Variants in CNNM3 observed in about 807,000 individuals in gnomAD.
CNNM3 encodes metal transporter CNNM3.
In CNNM3, 47 loss-of-function variants were observed where a neutral mutation model predicts 57.1. The observed-to-expected ratio is 0.82, with a 90% CI of 0.65 to 1.05. The LOEUF is 1.05. Among genes scored for constraint, CNNM3 ranks in the 50% least tolerant of loss-of-function variants. CNNM3 has a pLI of 0.00. For synonymous variants in CNNM3, 507 were observed against 478.2 expected (o/e 1.06, Z -0.79); for missense variants, 957 against 973.7 (o/e 0.98, Z 0.23).
Position 96,816,979 on chromosome 2 carries a change from G to T in CNNM3, c.702G>T (p.Leu234=). ...AVLGSAGLVF[L]VGEVVPAAVS... ...TGGGCAGCGCGGGGCTCGTGTTCCT[G>T]GTGGGAGAGGTGGTGCCGGCCGCCG... Residue 234 remains leucine (L), a synonymous_variant, in exon 1 of 8, where the codon CTG becomes CTT. Coordinates refer to ENST00000305510, the MANE Select transcript of CNNM3 (RefSeq NM_017623.5). 1 of 1,358,108 alleles carries T rather than the reference G, an allele frequency of 7.4e-7. No individual in the cohort carries two copies. The highest frequency in any genetic ancestry group is 9.5e-7 in the Non-Finnish European group (1 of 1,049,210). The allele number at this position is 1,358,108 out of a possible 1,614,324, so 84.1% of individuals were successfully genotyped here.
rs989404535 is a variant in CNNM3, at chr2:96,833,616, G to A, written c.*1000G>A. 1 of 152,190 alleles carries A rather than the reference G, an allele frequency of 6.6e-6. No homozygotes were observed. Among genetic ancestry groups the A allele is most frequent in the African/African-American group, 2.4e-5 (1 of 41,406 alleles). 9.4% of individuals were successfully genotyped at this position (152,190 alleles called of 1,614,324 possible). On this transcript the variant is annotated 3_prime_UTR_variant, in exon 8 of 8. Coordinates refer to ENST00000305510, the MANE Select transcript of CNNM3 (RefSeq NM_017623.5). Reference sequence around the variant, plus strand: ...TTCCTTTTTTTCTGTTCCTAGCTATGGGGTTTTAGAGAAGTGGGAACAGGA... The same window carrying A: ...TTCCTTTTTTTCTGTTCCTAGCTATAGGGTTTTAGAGAAGTGGGAACAGGA...
rs1277795500 is a variant in CNNM3, at chr2:96,828,058, A to T, written c.1690-41A>T. ...TCCGCTGTCTTCTGACGGGAAAGGT[A>T]ATCTGGCCGCATCTGTTTCTCTCCT... On this transcript the variant is annotated intron_variant, in intron 4 of 7. Coordinates refer to ENST00000305510, the MANE Select transcript of CNNM3 (RefSeq NM_017623.5). The T allele has an allele frequency of 3.8e-6, 6 of 1,594,052 alleles. No individual in the cohort carries two copies. In the Admixed American group the frequency reaches 5.0e-5, roughly 13 times the overall value.
chr2:96,836,989 T>A (rs1017104524), downstream of CNNM3: 2 of 152,220 alleles, frequency 1.3e-5, no homozygotes, highest in Non-Finnish European at 2.9e-5. Flanking sequence ...CTGTCCTTCC[T>A]CCATTGAATT....
Position 96,824,946 on chromosome 2 carries a change from G to A in CNNM3, c.1226-112G>A, listed in dbSNP as rs73960680. 89 of 1,224,748 alleles carry A rather than the reference G, an allele frequency of 7.3e-5. No individual in the cohort carries two copies. In the African/African-American group the frequency reaches 7.4e-4, roughly 10 times the overall value. The allele number at this position is 1,224,748 out of a possible 1,614,324, so 75.9% of individuals were successfully genotyped here. A position where few individuals can be genotyped will look rare whatever the true frequency, so the allele number is the denominator to read the frequency against. Reference sequence around the variant, plus strand: ...AAGAGTGTGGCTCTGTGCCTGGCACGTTGTAGGAGCATGAACGTTAGCCGT... The same window carrying A: ...AAGAGTGTGGCTCTGTGCCTGGCACATTGTAGGAGCATGAACGTTAGCCGT... On this transcript the variant is annotated intron_variant, in intron 1 of 7. Transcript: ENST00000305510.
In CNNM3 at chr2:96,834,956, A is replaced by G. The variant is rs977354252; in HGVS notation, c.*2340A>G. Among the ~76,000 whole-genome samples the G allele has an allele frequency of 2.0e-5, 3 of 152,206 alleles. No individual in the cohort carries two copies. In the East Asian group the frequency reaches 5.8e-4, roughly 29 times the overall value. Reference sequence around the variant, plus strand: ...GTTTCCCTCCATGGTTACATCTTATATGGTTGTAATGCAGTATTCCAACAA... The same window carrying G: ...GTTTCCCTCCATGGTTACATCTTATGTGGTTGTAATGCAGTATTCCAACAA... On this transcript the variant is annotated 3_prime_UTR_variant, in exon 8 of 8. Coordinates refer to ENST00000305510, the MANE Select transcript of CNNM3 (RefSeq NM_017623.5).
chr2:96,832,445 C>T, intron 7 of CNNM3, 107 bp from the exon 8 acceptor site: 2 of 1,569,228 alleles, frequency 1.3e-6, no homozygotes, highest in South Asian at 1.2e-5. Context: ...CATCCCGAAG[C>T]ACCTGTCTTA....
Position 96,825,140 on chromosome 2 carries a change from C to T in CNNM3, c.1308C>T (p.Thr436=), listed in dbSNP as rs750762890. The change falls in exon 2 of 8, where the codon ACC becomes ACT. Residue 436 remains threonine, a synonymous_variant. Transcript: ENST00000305510. The stretch of plus-strand genomic sequence containing the variant: ...TCTACGAGGTCCTGGGCCTGGTCAC[C>T]CTGGAGGACGTGATCGAGGAGATCA... ...DPFYEVLGLV[T]LEDVIEEIIR... 1 of 1,614,106 alleles carries T rather than the reference C, an allele frequency of 6.2e-7. No individual in the cohort carries two copies. Among genetic ancestry groups the T allele is most frequent in the Admixed American group, 1.7e-5 (1 of 60,014 alleles).
At chr2:96,818,321 G>A (rs774734767) in intron 1 of CNNM3, among the ~76,000 whole-genome samples, 1 of 151,244 alleles carries the variant, frequency 6.6e-6, no homozygotes, top group Non-Finnish European at 1.5e-5. Context: ...CTGACCAGGT[G>A]ATCCACTTGC....
chr2:96,824,808 T>C (rs2153354629), intron 1 of CNNM3: 1 of 504,570 alleles, frequency 2.0e-6, no homozygotes, highest in East Asian at 3.4e-5. Context: ...CTGCCAGCTC[T>C]GCCTGGGGGG....
At chr2:96,817,595 C>G (rs544746958) in intron 1 of CNNM3, 93 bp downstream of exon 1, 22 of 1,300,434 alleles carry the variant, frequency 1.7e-5, no homozygotes, top group Non-Finnish European at 2.3e-5. Context: ...GGAAAGGGTC[C>G]CACCCCTGTG....
chr2:96,830,468 C>G (rs1042597843), intron 7 of CNNM3, among the ~76,000 whole-genome samples: 2 of 152,184 alleles, frequency 1.3e-5, no homozygotes, highest in Admixed American at 6.5e-5. Context: ...CTGCTCAGAC[C>G]CACACTCGAG....
intron 7 of CNNM3, chr2:96,829,347 C>T (rs567744962): frequency 3.9e-6 from 2 of 510,364 alleles, no homozygotes; most frequent in South Asian, 1.7e-4. Flanking sequence ...GTTGCCCAGG[C>T]TGGAGTACAA....
In CNNM3 at chr2:96,817,216, C is replaced by T; in HGVS notation, c.939C>T (p.Thr313=). The T allele has an allele frequency of 6.3e-7, 1 of 1,598,012 alleles. No homozygotes were observed. The highest frequency in any genetic ancestry group is 8.5e-7 in the Non-Finnish European group (1 of 1,174,038). ...GCAAGGGCGTGCTGCGCTGCCGGACCGTGGAGGACGTGCTCACGCCCCTCG... is the reference window on the plus strand; with the variant it reads ...GCAAGGGCGTGCTGCGCTGCCGGACTGTGGAGGACGTGCTCACGCCCCTCG... ...DLSKGVLRCR[T]VEDVLTPLED... The change falls in exon 1 of 8, where the codon ACC becomes ACT. Residue 313 remains threonine (T), a synonymous_variant. Coordinates refer to ENST00000305510, the MANE Select transcript of CNNM3 (RefSeq NM_017623.5).
intron 1 of CNNM3, among the ~76,000 whole-genome samples, chr2:96,822,408 A>C (rs551451615): frequency 6.6e-6 from 1 of 152,184 alleles, no homozygotes; most frequent in African/African-American, 2.4e-5. Flanking sequence ...TCCTGGGCTC[A>C]AGTGATCCTT....
At chr2:96,821,125 C>T (rs2079399964) in intron 1 of CNNM3, among the ~76,000 whole-genome samples, 2 of 152,248 alleles carry the variant, frequency 1.3e-5, no homozygotes, top group South Asian at 4.2e-4. Flanking sequence ...CCTTGACTTC[C>T]CCGCTCCTGT....
intron 1 of CNNM3, chr2:96,824,433 CACACACACAT>C (rs917362225): frequency 6.5e-6 from 1 of 152,910 alleles, no homozygotes; most frequent in African/African-American, 2.4e-5. Context: ...GATACACAGA[CACACACACAT>C]ACACACAGTC....
intron 1 of CNNM3, among the ~76,000 whole-genome samples, chr2:96,820,203 G>A (rs969346034): frequency 5.9e-5 from 9 of 152,206 alleles, no homozygotes; most frequent in Admixed American, 1.3e-4. Flanking sequence ...CTGGAGAGGA[G>A]CCCCAAGAGG....
In CNNM3 at chr2:96,827,796, A is replaced by G. The variant is rs1162520466; in HGVS notation, c.1585A>G (p.Ser529Gly). 5.0e-6 allele frequency: 8 copies of G among 1,614,064 alleles called. No homozygotes were observed. The African/African-American group carries it at 6.7e-5, about 13-fold the overall frequency. ...CCTGCTGCACCTGTTGAAGCATCCC[A>G]GTGTCAACCAGGAAGTGAGGTTTGA... is the stretch of plus-strand genomic sequence containing the variant. ...KVLLHLLKHPSVNQEVRFDES... is the reference protein window; with the variant it reads ...KVLLHLLKHPGVNQEVRFDES... The change falls in exon 4 of 8, where the codon AGT (serine) becomes GGT (glycine). Residue 529 changes from serine (S) to glycine (G), a missense_variant. Physicochemically the swap from Ser to Gly is moderately conservative, Grantham distance 56. This residue lies in a region of CNNM3 where 491 missense variants were observed against 570.6 expected (regional missense o/e 0.86). Coordinates refer to ENST00000305510, the MANE Select transcript of CNNM3 (RefSeq NM_017623.5).
rs2079630221 is a variant in CNNM3 at position 96,832,968 on chromosome 2, A to G, written c.*352A>G. ...TTCAGATTCAGACCTCTTTGGGCTG[A>G]GCCACCTTGTGAGTGCAGTTACTGC... On this transcript the variant is annotated 3_prime_UTR_variant, in exon 8 of 8. Coordinates refer to ENST00000305510, the MANE Select transcript of CNNM3 (RefSeq NM_017623.5). 3 of 1,359,858 alleles carry G rather than the reference A, an allele frequency of 2.2e-6. No individual in the cohort carries two copies. The highest frequency in any genetic ancestry group is 2.9e-6 in the Non-Finnish European group (3 of 1,034,652). The allele number at this position is 1,359,858 out of a possible 1,614,324, so 84.2% of individuals were successfully genotyped here.
Sources: gnomAD v4.1 joint callset for allele counts (sites outside exome capture counted in the v4.1 genomes callset) on GRCh38, gnomAD v4.1.1 for gene constraint, gnomAD v4.1.1 regional missense constraint, MANE v1.5 for transcripts, NCBI Gene and HGNC (gene_info 2026-07-23, HGNC 2026-07-21) for gene names.